The following STIM1 variants were observed in gnomAD, a reference collection of about 807,000 sequenced individuals.
The protein encoded by STIM1 is stromal interaction molecule 1.
Under a neutral mutation model 74.7 loss-of-function variants are expected in STIM1, and 25 were observed. The observed-to-expected ratio is 0.33, with a 90% CI of 0.24 to 0.47. The LOEUF is 0.47. STIM1 is among the 20% of genes least tolerant of loss of function. The probability of loss-of-function intolerance (pLI) is 1.00; values close to 1 mark genes in which losing one functional copy is unlikely to be tolerated. For synonymous variants in STIM1, 328 were observed against 348.8 expected, an observed-to-expected ratio of 0.94 and a Z score of 0.66; for missense variants, 728 against 920.8, an observed-to-expected ratio of 0.79 and a Z score of 2.71.
At chr11:3,887,998 G>C (rs545712919) in intron 1 of STIM1, 73 of 150,542 alleles carry the variant, frequency 4.8e-4, no homozygotes, top group Non-Finnish European at 8.1e-4. Flanking sequence ...TAGGACATCT[G>C]TGTCCAGGAA....
chr11:3,869,156 A>G (rs2090980246), intron 1 of STIM1, among the ~76,000 whole-genome samples: 1 of 152,082 alleles, frequency 6.6e-6, no homozygotes, highest in African/African-American at 2.4e-5. Flanking sequence ...TTTTTAGTAG[A>G]GATGGGTTTT....
intron 3 of STIM1, among the ~76,000 whole-genome samples, chr11:4,029,299 G>A (rs543822222): frequency 2.4e-4 from 37 of 152,068 alleles, no homozygotes; most frequent in Non-Finnish European, 4.3e-4. Context: ...TTCTCTGCAG[G>A]AAGCAGTGGA....
intron 2 of STIM1, among the ~76,000 whole-genome samples, chr11:4,010,592 C>G (rs1565147304): frequency 6.6e-6 from 1 of 152,080 alleles, no homozygotes; most frequent in Non-Finnish European, 1.5e-5. Context: ...CTTACCATAC[C>G]TGAAATGAGG....
In STIM1 at chr11:4,091,887, C is replaced by A; in HGVS notation, c.*89C>A. 2 of 1,558,970 alleles carry A rather than the reference C, an allele frequency of 1.3e-6. No individual in the cohort carries two copies. Among genetic ancestry groups the A allele is most frequent in the East Asian group, 4.6e-5 (2 of 43,726 alleles). On this transcript the variant is annotated 3_prime_UTR_variant, in exon 13 of 13. Transcript: ENST00000526596. Reference sequence around the variant, plus strand: ...TCCCTTCCTTCAAGATAACTGGCCCCAAGAGTGGGGCATGGGAAGGGCTGG... The same window carrying A: ...TCCCTTCCTTCAAGATAACTGGCCCAAAGAGTGGGGCATGGGAAGGGCTGG...
intron 3 of STIM1, among the ~76,000 whole-genome samples, chr11:4,045,373 A>G (rs1356245537): frequency 6.6e-6 from 1 of 152,134 alleles, no homozygotes; most frequent in Non-Finnish European, 1.5e-5. Flanking sequence ...GACCATAGTA[A>G]ATGATAACAT....
chr11:4,092,029 G>C lies in STIM1; in HGVS notation c.*231G>C, dbSNP rs1053746213. 4 of 608,826 alleles carry C rather than the reference G, an allele frequency of 6.6e-6. No individual in the cohort carries two copies. In the African/African-American group the frequency reaches 7.4e-5, roughly 11 times the overall value. 37.7% of individuals were successfully genotyped at this position (608,826 alleles called of 1,614,324 possible). A position where few individuals can be genotyped will look rare whatever the true frequency, so the allele number is the denominator to read the frequency against. On this transcript the variant is annotated 3_prime_UTR_variant, in exon 13 of 13. Transcript: ENST00000526596. Reference sequence around the variant, plus strand: ...GCCTCCGTCCCAACCATGGGCTGCTGCTGTCACTCCCTCTCCACTTCAGTG... The same window carrying C: ...GCCTCCGTCCCAACCATGGGCTGCTCCTGTCACTCCCTCTCCACTTCAGTG...
At position 3,974,025 on chromosome 11, in the gene STIM1, C is replaced by T. The variant is rs189180527; in HGVS notation, c.270+6343C>T. The T allele has an allele frequency of 1.6e-3, 1,081 of 690,816 alleles. 8 individuals carry two copies. Among genetic ancestry groups the T allele is most frequent in the Middle Eastern group, 9.5e-3 (25 of 2,642 alleles). The allele number at this position is 690,816 out of a possible 1,614,324, so 42.8% of individuals were successfully genotyped here. On this transcript the variant is annotated intron_variant, in intron 2 of 12. Transcript: ENST00000526596. Reference sequence around the variant, plus strand: ...TCCACCTTATGTAGCCTTGCATTCACGGCTGCATCCACCTCCTCCACAGTG... The same window carrying T: ...TCCACCTTATGTAGCCTTGCATTCATGGCTGCATCCACCTCCTCCACAGTG...
intron 1 of STIM1, among the ~76,000 whole-genome samples, chr11:3,884,500 T>C (rs942303886): frequency 6.6e-5 from 10 of 152,166 alleles, no homozygotes; most frequent in Non-Finnish European, 1.2e-4. Context: ...GCAGTCCTGA[T>C]CCAGGGGCTG....
At chr11:3,882,163 G>A (rs865880841) in intron 1 of STIM1, among the ~76,000 whole-genome samples, 1 of 145,242 alleles carries the variant, frequency 6.9e-6, no homozygotes, top group African/African-American at 2.6e-5. Flanking sequence ...GCAATGGTGC[G>A]ATCTTGGCTC....
chr11:3,927,669 T>C lies in STIM1; in HGVS notation c.140-39883T>C, dbSNP rs1187933566. On this transcript the variant is annotated intron_variant, in intron 1 of 12. Transcript: ENST00000526596. ...GTTCCTGGGGCAGCAGGGCCGGTTA[T>C]ATTACAGTGGCTAGAGATAGTGGAG... Among the ~76,000 whole-genome samples the C allele has an allele frequency of 5.9e-5, 9 of 152,194 alleles. No homozygotes were observed. The East Asian group carries it at 1.3e-3, about 23-fold the overall frequency.
intron 2 of STIM1, among the ~76,000 whole-genome samples, chr11:3,996,668 G>A (rs952684692): frequency 5.3e-5 from 8 of 152,192 alleles, no homozygotes; most frequent in Non-Finnish European, 4.4e-5. Flanking sequence ...GTGGACTCTC[G>A]CTGTTCTTAG....
At chr11:3,871,413 A>C (rs1382410075) in intron 1 of STIM1, among the ~76,000 whole-genome samples, 2 of 151,986 alleles carry the variant, frequency 1.3e-5, no homozygotes, top group Non-Finnish European at 2.9e-5. Context: ...ACAAGTTCCT[A>C]AGTTCTTCTC....
intron 1 of STIM1, among the ~76,000 whole-genome samples, chr11:3,931,708 G>C (rs933231152): frequency 6.6e-6 from 1 of 152,124 alleles, no homozygotes; most frequent in Non-Finnish European, 1.5e-5. Context: ...TAATGTGATG[G>C]TATTAGGAGG....
intron 1 of STIM1, among the ~76,000 whole-genome samples, chr11:3,945,639 G>T (rs1350811987): frequency 6.6e-6 from 1 of 152,096 alleles, no homozygotes; most frequent in African/African-American, 2.4e-5. Context: ...AATCATTATT[G>T]CTTAACTTCT....
intron 6 of STIM1, among the ~76,000 whole-genome samples, chr11:4,071,560 T>C (rs559536222): frequency 7.2e-5 from 11 of 152,252 alleles, no homozygotes; most frequent in African/African-American, 2.6e-4. Context: ...CCCAGGCTTT[T>C]CCTGAACTCC....
chr11:3,970,069 T>C, intron 2 of STIM1, among the ~76,000 whole-genome samples: 1 of 141,450 alleles, frequency 7.1e-6, no homozygotes, highest in African/African-American at 2.5e-5. Context: ...TATATGCTCC[T>C]CATCCTTTTT....
chr11:4,044,022 GA>G (rs574527636), intron 3 of STIM1, among the ~76,000 whole-genome samples: 1 of 151,576 alleles, frequency 6.6e-6, no homozygotes, highest in African/African-American at 2.4e-5. Flanking sequence ...CAAAAAAAAA[GA>G]AAAAAAAGAT....
chr11:3,941,125 G>T (rs968624402), intron 1 of STIM1, among the ~76,000 whole-genome samples: 1 of 152,140 alleles, frequency 6.6e-6, no homozygotes, highest in African/African-American at 2.4e-5. Context: ...CACATGTGAG[G>T]TGCTATAATT....
In STIM1 at chr11:4,059,152, G is replaced by A. The variant is rs568646369; in HGVS notation, c.498-129G>A. 8 of 856,624 alleles carry A rather than the reference G, an allele frequency of 9.3e-6. No homozygotes were observed. The East Asian group carries it at 1.9e-4, about 20-fold the overall frequency. 53.1% of individuals were successfully genotyped at this position (856,624 alleles called of 1,614,324 possible). A position where few individuals can be genotyped will look rare whatever the true frequency, so the allele number is the denominator to read the frequency against. Reference sequence around the variant, plus strand: ...TTGAGACCCAACTGGTATAGACTCTGTGTTCTAGAGTGCAGAGGGGAGCAA... The same window carrying A: ...TTGAGACCCAACTGGTATAGACTCTATGTTCTAGAGTGCAGAGGGGAGCAA... On this transcript the variant is annotated intron_variant, in intron 4 of 12. Coordinates refer to ENST00000526596, the MANE Select transcript of STIM1 (RefSeq NM_001382567.1).
Sources: gnomAD v4.1 joint callset for allele counts (sites outside exome capture counted in the v4.1 genomes callset) on GRCh38, gnomAD v4.1.1 for gene constraint, MANE v1.5 for transcripts, NCBI Gene and HGNC (gene_info 2026-07-23, HGNC 2026-07-21) for gene names.